MTMR1: variants seen among roughly 807,000 people sequenced by gnomAD.
MTMR1 encodes myotubularin related protein 1.
A neutral mutation model predicts 51.6 loss-of-function variants in MTMR1; 17 were observed. The ratio of observed to expected loss-of-function variants is 0.33; its 90% CI spans 0.23 to 0.49. The LOEUF is 0.49. Among genes scored for constraint, MTMR1 ranks in the 20% least tolerant of loss-of-function variants. The pLI is 0.99. For synonymous variants in MTMR1, 201 were observed against 205.6 expected, an observed-to-expected ratio of 0.98 and a Z score of 0.19; for missense variants, 386 against 526.9, an observed-to-expected ratio of 0.73 and a Z score of 2.62.
rs782433852 is a variant in MTMR1, at chrX:150,758,722, C to T, written c.1857+2857C>T. Among the ~76,000 whole-genome samples the T allele has an allele frequency of 7.5e-5, 8 of 106,642 alleles. No individual in the cohort carries two copies. In the South Asian group the frequency reaches 1.3e-3, roughly 17 times the overall value. The allele number at this position is 106,642 out of a possible 115,157, so 92.6% of individuals were successfully genotyped here. ...AGAAGAATCGCTTGAACCTGGGAGG[C>T]GGAGGTTGTAGTGAGCTGAGATGAG... On this transcript the variant is annotated intron_variant, in intron 15 of 15. Coordinates refer to ENST00000445323, the MANE Select transcript of MTMR1 (RefSeq NM_001306144.3).
At chrX:150,700,012 A>AG (rs1557415885) in intron 2 of MTMR1, among the ~76,000 whole-genome samples, 2 of 112,537 alleles carry the variant, frequency 1.8e-5, no homozygotes, top group Non-Finnish European at 3.7e-5. Context: ...AACTATTAAT[A>AG]GGTATATTAA....
chrX:150,713,028 C>A, intron 3 of MTMR1: 1 of 782,564 alleles, frequency 1.3e-6, no homozygotes, highest in Non-Finnish European at 1.6e-6. Flanking sequence ...TCAAGGAAAA[C>A]AATGTGGATT....
chrX:150,697,350 T>C (rs2040713371), intron 1 of MTMR1, among the ~76,000 whole-genome samples: 3 of 112,089 alleles, frequency 2.7e-5, no homozygotes, highest in Admixed American at 9.4e-5. Flanking sequence ...TCAGTTTTCT[T>C]TCTTTTACTA....
At position 150,732,708 on chromosome X, in the gene MTMR1, A is replaced by C. The variant is rs1557417036; in HGVS notation, c.1058A>C (p.Asn353Thr). Residue 353 changes from asparagine to threonine, a missense_variant, in exon 10 of 16, where the codon AAC (asparagine) becomes ACC (threonine). Transcript: ENST00000445323. ...CTTATCATCTTTGATGCTCGACAAA[A>C]CAGTGTCGCTGATACCAACAAGGTA... Reference protein sequence around the residue: ...HKLIIFDARQNSVADTNKTKG... With the variant: ...HKLIIFDARQTSVADTNKTKG... The C allele has an allele frequency of 8.3e-7, 1 of 1,206,565 alleles. No individual in the cohort carries two copies. Among genetic ancestry groups the C allele is most frequent in the Non-Finnish European group, 1.1e-6 (1 of 892,524 alleles).
chrX:150,717,085 C>T (rs997979338), intron 3 of MTMR1, among the ~76,000 whole-genome samples: 3 of 110,864 alleles, frequency 2.7e-5, no homozygotes, highest in Non-Finnish European at 3.8e-5. Flanking sequence ...TGAGGCCGGG[C>T]GCGGTGGCTC....
At chrX:150,708,962 C>T (rs1297825696) in intron 2 of MTMR1, among the ~76,000 whole-genome samples, 9 of 111,282 alleles carry the variant, frequency 8.1e-5, no homozygotes, top group South Asian at 7.6e-4. Context: ...TGCCGACTTA[C>T]CTCCCTCAGC....
At chrX:150,728,093 G>A (rs2041998990) in intron 6 of MTMR1, among the ~76,000 whole-genome samples, 1 of 111,494 alleles carries the variant, frequency 9.0e-6, no homozygotes, top group Non-Finnish European at 1.9e-5. Context: ...AAATGATGTA[G>A]TATTTGCATA....
intron 2 of MTMR1, among the ~76,000 whole-genome samples, chrX:150,705,425 G>C (rs1229535558): frequency 1.8e-5 from 2 of 111,853 alleles, no homozygotes; most frequent in Non-Finnish European, 3.8e-5. Context: ...ACACATTATA[G>C]TCAAATTTCT....
intron 4 of MTMR1, 28 bp from the exon 5 acceptor site, chrX:150,727,187 A>G (rs2041966556): frequency 5.0e-6 from 5 of 993,575 alleles, no homozygotes; most frequent in Non-Finnish European, 7.1e-6. Context: ...CTATGGCAGT[A>G]GTTGCTACTT....
chrX:150,743,750 A>G (rs782092576), intron 12 of MTMR1, among the ~76,000 whole-genome samples: 57 of 112,467 alleles, frequency 5.1e-4, no homozygotes, highest in Middle Eastern at 4.6e-3. Context: ...TGAGAATACT[A>G]TCTTTTACCT....
intron 11 of MTMR1, among the ~76,000 whole-genome samples, 165 bp downstream of exon 11, chrX:150,736,945 A>G (rs1183700742): frequency 8.9e-6 from 1 of 112,156 alleles, no homozygotes; most frequent in Non-Finnish European, 1.9e-5. Flanking sequence ...GGCTTTTGTG[A>G]CATAGTGAAA....
At chrX:150,753,150 G>A (rs2042801558) in intron 14 of MTMR1, among the ~76,000 whole-genome samples, 1 of 112,101 alleles carries the variant, frequency 8.9e-6, no homozygotes, top group Non-Finnish European at 1.9e-5. Context: ...TGTTTTCAAG[G>A]TTCATCTATG....
intron 3 of MTMR1, chrX:150,712,836 C>T: frequency 2.2e-6 from 1 of 454,555 alleles, no homozygotes; most frequent in Non-Finnish European, 3.0e-6. Context: ...AAGTGCTAAT[C>T]TTGAAGCTAA....
chrX:150,761,648 G>A (rs782526295), intron 15 of MTMR1, among the ~76,000 whole-genome samples: 3 of 112,595 alleles, frequency 2.7e-5, no homozygotes, highest in Admixed American at 9.3e-5. Context: ...CATGGGATCA[G>A]AGACAAGGGA....
chrX:150,753,323 T>TA (rs2042806925), intron 14 of MTMR1, among the ~76,000 whole-genome samples: 1 of 112,243 alleles, frequency 8.9e-6, no homozygotes, highest in African/African-American at 3.2e-5. Flanking sequence ...TATGTGGACA[T>TA]ACGCCTTCAT....
chrX:150,700,986 G>T (rs1446358363), intron 2 of MTMR1, among the ~76,000 whole-genome samples: 1 of 112,344 alleles, frequency 8.9e-6, no homozygotes, highest in Non-Finnish European at 1.9e-5. Context: ...GCTCATGTTG[G>T]AATGGTTGAA....
intron 3 of MTMR1, among the ~76,000 whole-genome samples, chrX:150,716,756 A>G (rs1169217060): frequency 1.8e-5 from 2 of 112,683 alleles, no homozygotes; most frequent in African/African-American, 6.5e-5. Context: ...TATGTGTAGT[A>G]TTTCTAAATT....
Position 150,737,234 on chromosome X carries a change from T to C in MTMR1, c.1267-8T>C. On this transcript the variant is annotated splice_polypyrimidine_tract_variant and splice_region_variant and intron_variant, in intron 11 of 15. Transcript: ENST00000445323. ...TAGCCTGGTCTAATGTGCCTTTTTTTTCTGAAGATGCTGCTTGCTGGGGCA... is the reference window on the plus strand; with the variant it reads ...TAGCCTGGTCTAATGTGCCTTTTTTCTCTGAAGATGCTGCTTGCTGGGGCA... 1 of 1,208,716 alleles carries C rather than the reference T, an allele frequency of 8.3e-7. No homozygotes were observed. Among genetic ancestry groups the C allele is most frequent in the Non-Finnish European group, 1.1e-6 (1 of 892,841 alleles).
chrX:150,720,097 C>T (rs1313999155), intron 4 of MTMR1, among the ~76,000 whole-genome samples: 1 of 111,875 alleles, frequency 8.9e-6, no homozygotes, highest in Non-Finnish European at 1.9e-5. Flanking sequence ...AATTGACCCT[C>T]TACTTTTTAA....
Sources: allele counts gnomAD v4.1 joint callset (sites outside exome capture counted in the v4.1 genomes callset), GRCh38; gene constraint gnomAD v4.1.1; transcripts MANE v1.5; gene names NCBI Gene and HGNC (gene_info 2026-07-23, HGNC 2026-07-21).